The following KANSL1L variants were observed in gnomAD, a reference collection of about 807,000 sequenced individuals.
KANSL1L encodes the protein KAT8 regulatory NSL complex subunit 1-like protein.
Under a neutral mutation model 108.6 loss-of-function variants are expected in KANSL1L, and 25 were observed. That is an observed-to-expected ratio of 0.23 (90% CI 0.17 to 0.32). KANSL1L has a LOEUF of 0.32. Among genes scored for constraint, KANSL1L ranks in the 10% least tolerant of loss-of-function variants. The pLI is 1.00. For missense variants in KANSL1L, 1,137 were observed against 1,125.7 expected, an observed-to-expected ratio of 1.01 and a Z score of -0.14; for synonymous variants, 405 against 395.1, an observed-to-expected ratio of 1.03 and a Z score of -0.30.
At chr2:210,128,899 A>G (rs2095093435) in intron 3 of KANSL1L, 132 bp downstream of exon 3, 2 of 629,642 alleles carry the variant, frequency 3.2e-6, no homozygotes, top group Admixed American at 3.6e-5. Context: ...TTATAATAAT[A>G]TATCAAAAAT....
In KANSL1L at chr2:210,118,016, A is replaced by AT. The variant is rs562091716; in HGVS notation, c.1230+11014dup. The stretch of plus-strand genomic sequence containing the variant: ...CCGTCTCTACTAAAAATACAAAAAA[A>AT]TTAGCCGGGTGTGATGGCGCATGCC... On this transcript the variant is annotated intron_variant, in intron 3 of 14. Coordinates refer to ENST00000281772, the MANE Select transcript of KANSL1L (RefSeq NM_152519.4). Among the ~76,000 whole-genome samples the AT allele has an allele frequency of 3.4e-4, 51 of 151,878 alleles. No homozygotes were observed. In the East Asian group the frequency reaches 8.7e-3, roughly 26 times the overall value.
chr2:210,156,999 GAA>G (rs574492895), intron 1 of KANSL1L, among the ~76,000 whole-genome samples: 1 of 131,260 alleles, frequency 7.6e-6, no homozygotes. Flanking sequence ...AAAAAAAAAA[GAA>G]AAAAAAGATG....
chr2:210,022,691 C>T lies in KANSL1L; in HGVS notation c.*258G>A. ...AGTAATGTGATTTGACATCAAGTTGCAGCAATTAATATCTTGGTGTTTGTA... is the reference window on the plus strand; with the variant it reads ...AGTAATGTGATTTGACATCAAGTTGTAGCAATTAATATCTTGGTGTTTGTA... On this transcript the variant is annotated 3_prime_UTR_variant, in exon 15 of 15. Transcript: ENST00000281772. 1 of 421,186 alleles carries T rather than the reference C, an allele frequency of 2.4e-6. No individual in the cohort carries two copies. Among genetic ancestry groups the T allele is most frequent in the Non-Finnish European group, 4.3e-6 (1 of 232,084 alleles). 26.1% of individuals were successfully genotyped at this position (421,186 alleles called of 1,614,324 possible).
intron 6 of KANSL1L, among the ~76,000 whole-genome samples, chr2:210,046,696 G>A (rs2094227178): frequency 6.6e-6 from 1 of 152,062 alleles, no homozygotes; most frequent in Non-Finnish European, 1.5e-5. Context: ...GCTCTTCCAG[G>A]TGGTTATTCT....
rs907803926 is a variant in KANSL1L at position 210,154,615 on chromosome 2, C to T, written c.-29-4G>A. On this transcript the variant is annotated splice_polypyrimidine_tract_variant and splice_region_variant and intron_variant, in intron 1 of 14. Coordinates refer to ENST00000281772, the MANE Select transcript of KANSL1L (RefSeq NM_152519.4). Reference sequence around the variant, plus strand: ...CCTGTAGATAAGTATTGGAAACCTACAATAATGTAAAAATAAATGGTCAAA... The same window carrying T: ...CCTGTAGATAAGTATTGGAAACCTATAATAATGTAAAAATAAATGGTCAAA... 1.4e-6 allele frequency: 2 copies of T among 1,386,390 alleles called. No individual in the cohort carries two copies. Among genetic ancestry groups the T allele is most frequent in the African/African-American group, 1.5e-5 (1 of 68,190 alleles). 85.9% of individuals were successfully genotyped at this position (1,386,390 alleles called of 1,614,324 possible).
At chr2:210,108,079 T>C (rs1440655815) in intron 3 of KANSL1L, among the ~76,000 whole-genome samples, 3 of 152,306 alleles carry the variant, frequency 2.0e-5, no homozygotes, top group South Asian at 4.1e-4. Context: ...CTCAATTTTT[T>C]TCTTACAATA....
chr2:210,052,419 A>G (rs148999424), intron 6 of KANSL1L, among the ~76,000 whole-genome samples: 15 of 152,262 alleles, frequency 9.9e-5, no homozygotes, highest in Admixed American at 3.3e-4. Context: ...AATTTCTACC[A>G]AGGTCAGCTA....
chr2:210,049,010 A>C (rs2094257778), intron 6 of KANSL1L, among the ~76,000 whole-genome samples: 1 of 152,136 alleles, frequency 6.6e-6, no homozygotes, highest in African/African-American at 2.4e-5. Context: ...ACCACAGCCC[A>C]AGGCTAAGAA....
At chr2:210,089,456 TTAAAA>T (rs1304969472) in intron 5 of KANSL1L, among the ~76,000 whole-genome samples, 1 of 152,146 alleles carries the variant, frequency 6.6e-6, no homozygotes, top group African/African-American at 2.4e-5. Flanking sequence ...ATAGAATTCC[TTAAAA>T]TAAATATTTA....
At chr2:210,146,532 A>G (rs1575614441) in intron 2 of KANSL1L, among the ~76,000 whole-genome samples, 1 of 152,186 alleles carries the variant, frequency 6.6e-6, no homozygotes, top group South Asian at 2.1e-4. Context: ...AGTTTGTTTC[A>G]TCTATGAAGG....
intron 2 of KANSL1L, among the ~76,000 whole-genome samples, chr2:210,131,943 C>T (rs912723603): frequency 5.9e-5 from 9 of 152,046 alleles, no homozygotes; most frequent in South Asian, 2.1e-4. Flanking sequence ...GTGATCTACC[C>T]GCCTCGGCCT....
chr2:210,130,995 G>A (rs554787929), intron 2 of KANSL1L, among the ~76,000 whole-genome samples: 3 of 152,082 alleles, frequency 2.0e-5, no homozygotes, highest in Admixed American at 1.3e-4. Flanking sequence ...TTCACGTACC[G>A]CCCTACACTT....
rs1553637945 is a variant in KANSL1L at position 210,022,119 on chromosome 2, C to CAAAG, written c.*826_*829dup. On this transcript the variant is annotated 3_prime_UTR_variant, in exon 15 of 15. Coordinates refer to ENST00000281772, the MANE Select transcript of KANSL1L (RefSeq NM_152519.4). ...ATTGGTAAAACTCAAATTGAGTTTTCAAAGATGTGATAGTATTAAAGTGCA... is the reference window on the plus strand; with the variant it reads ...ATTGGTAAAACTCAAATTGAGTTTTCAAAGAAAGATGTGATAGTATTAAAGTGCA... The CAAAG allele has an allele frequency of 3.4e-5, 5 of 148,870 alleles. No homozygotes were observed. The highest frequency in any genetic ancestry group is 9.9e-5 in the African/African-American group (4 of 40,234). 9.2% of individuals were successfully genotyped at this position (148,870 alleles called of 1,614,324 possible). A position where few individuals can be genotyped will look rare whatever the true frequency, so the allele number is the denominator to read the frequency against.
At chr2:210,045,063 C>T (rs918571614) in intron 6 of KANSL1L, among the ~76,000 whole-genome samples, 2 of 152,150 alleles carry the variant, frequency 1.3e-5, no homozygotes, top group South Asian at 2.1e-4. Context: ...AGTCACTGCA[C>T]CTGGCCACAT....
rs1014722434 is a variant in KANSL1L, at chr2:210,171,408, C to T, written c.-289G>A. On this transcript the variant is annotated 5_prime_UTR_variant, in exon 1 of 15. Transcript: ENST00000281772. ...CGGGGGGACGGAACCCTGCCGCGGT[C>T]TGGGAGCAGTGGGCGGGGCCCGGCG... 3 of 159,310 alleles carry T rather than the reference C, an allele frequency of 1.9e-5. No individual in the cohort carries two copies. The Admixed American group carries it at 1.9e-4, about 10-fold the overall frequency. 9.9% of individuals were successfully genotyped at this position (159,310 alleles called of 1,614,324 possible).
At chr2:210,063,921 T>C (rs2094443517) in intron 6 of KANSL1L, 1 of 151,878 alleles carries the variant, frequency 6.6e-6, no homozygotes, top group South Asian at 2.1e-4. Flanking sequence ...GGACGTGAGA[T>C]TTGGGAGGGG....
chr2:210,116,139 C>A (rs569433979), intron 3 of KANSL1L, among the ~76,000 whole-genome samples: 15 of 152,244 alleles, frequency 9.9e-5, no homozygotes, highest in Admixed American at 7.2e-4. Flanking sequence ...AAACATTGGC[C>A]GTAGACAGGC....
chr2:210,154,622 G>A lies in KANSL1L; in HGVS notation c.-29-11C>T, dbSNP rs374867879. The A allele has an allele frequency of 5.6e-5, 77 of 1,376,234 alleles. No homozygotes were observed. Among genetic ancestry groups the A allele is most frequent in the Non-Finnish European group, 7.0e-5 (74 of 1,057,090 alleles). The allele number at this position is 1,376,234 out of a possible 1,614,324, so 85.3% of individuals were successfully genotyped here. A position where few individuals can be genotyped will look rare whatever the true frequency, so the allele number is the denominator to read the frequency against. On this transcript the variant is annotated splice_polypyrimidine_tract_variant and intron_variant, in intron 1 of 14. Coordinates refer to ENST00000281772, the MANE Select transcript of KANSL1L (RefSeq NM_152519.4). ...ATAAGTATTGGAAACCTACAATAAT[G>A]TAAAAATAAATGGTCAAATATCTAG...
chr2:210,062,791 C>T (rs1056838603), intron 6 of KANSL1L, among the ~76,000 whole-genome samples: 6 of 152,086 alleles, frequency 3.9e-5, no homozygotes, highest in African/African-American at 1.4e-4. Context: ...GACTTGGGTG[C>T]TGTTAAAGGT....
Sources: gnomAD v4.1 joint callset for allele counts (sites outside exome capture counted in the v4.1 genomes callset) on GRCh38, gnomAD v4.1.1 for gene constraint, MANE v1.5 for transcripts, NCBI Gene and HGNC (gene_info 2026-07-23, HGNC 2026-07-21) for gene names.